GRN: variants seen among roughly 807,000 people sequenced by gnomAD.
GRN encodes progranulin.
Under a neutral mutation model 66.7 loss-of-function variants are expected in GRN, and 30 were observed. The ratio of observed to expected loss-of-function variants is 0.45; its 90% CI spans 0.34 to 0.61. The LOEUF (loss-of-function observed/expected upper bound fraction) is 0.61, where lower values mean the gene tolerates loss of function less well. GRN is among the 20% of genes least tolerant of loss of function. The pLI is 0.01. For synonymous variants in GRN, 327 were observed against 311.1 expected (o/e 1.05, Z -0.54); for missense variants, 731 against 803.5 (o/e 0.91, Z 1.09).
chr17:44,352,785 G>A lies in GRN; in HGVS notation c.1769G>A (p.Arg590Lys). 6.2e-7 allele frequency: 1 copy of A among 1,611,680 alleles called. No homozygotes were observed. The highest frequency in any genetic ancestry group is 8.5e-7 in the Non-Finnish European group (1 of 1,179,996). ...GCCCCTTTGAGGGACCCAGCCTTGA[G>A]ACAGCTGCTGTGAGGGACAGTACTG... ...WDAPLRDPAL[R>K]QLL Residue 590 changes from arginine to lysine, a missense_variant, in exon 13 of 13, where the codon AGA becomes AAA. Coordinates refer to ENST00000053867, the MANE Select transcript of GRN (RefSeq NM_002087.4).
In GRN at chr17:44,349,184, G is replaced by C; in HGVS notation, c.20G>C (p.Trp7Ser). ...CAGACCATGTGGACCCTGGTGAGCTGGGTGGCCTTAACAGCAGGGCTGGTG... is the reference window on the plus strand; with the variant it reads ...CAGACCATGTGGACCCTGGTGAGCTCGGTGGCCTTAACAGCAGGGCTGGTG... MWTLVSWVALTAGLVAG... is the reference protein window; with the variant it reads MWTLVSSVALTAGLVAG... Residue 7 changes from tryptophan (W) to serine (S), a missense_variant, in exon 2 of 13, where the codon TGG (tryptophan) becomes TCG (serine). Coordinates refer to ENST00000053867, the MANE Select transcript of GRN (RefSeq NM_002087.4). The C allele has an allele frequency of 6.2e-7, 1 of 1,614,138 alleles. No individual in the cohort carries two copies. The highest frequency in any genetic ancestry group is 1.1e-5 in the South Asian group (1 of 91,082).
At chr17:44,349,825 C>T (rs984294923) in intron 4 of GRN, 74 bp downstream of exon 4, 19 of 1,003,054 alleles carry the variant, frequency 1.9e-5, no homozygotes, top group African/African-American at 1.6e-4. Flanking sequence ...GCCCAGCTGG[C>T]GGGGGCAGCC....
chr17:44,347,250 A>G (rs1313181507), intron 1 of GRN, among the ~76,000 whole-genome samples: 2 of 152,214 alleles, frequency 1.3e-5, no homozygotes, highest in Non-Finnish European at 2.9e-5. Context: ...ACTACATTGT[A>G]TAACTCAGCA....
chr17:44,350,176 G>C lies in GRN; in HGVS notation c.350-52G>C, dbSNP rs115172611. On this transcript the variant is annotated intron_variant, in intron 4 of 12. Coordinates refer to ENST00000053867, the MANE Select transcript of GRN (RefSeq NM_002087.4). The stretch of plus-strand genomic sequence containing the variant: ...GCCACCAGCTCCTTGTGTGATGGGG[G>C]AGTCACCTTCCCTGAGTGGGCTGGT... 5.0e-5 allele frequency: 61 copies of C among 1,231,678 alleles called. No homozygotes were observed. The South Asian group carries it at 6.0e-4, about 12-fold the overall frequency. 76.3% of individuals were successfully genotyped at this position (1,231,678 alleles called of 1,614,324 possible).
rs536446872 is a variant in GRN at position 44,350,857 on chromosome 17, A to G, written c.708+57A>G. On this transcript the variant is annotated intron_variant, in intron 7 of 12. Transcript: ENST00000053867. ...GTGCCCCCAGCCACCTGGCCCTGAC[A>G]CGCACCTTACAGGGGCTCTGTGGCA... 615 of 1,457,936 alleles carry G rather than the reference A, an allele frequency of 4.2e-4. 1 individual carries two copies. The highest frequency in any genetic ancestry group is 6.8e-4 in the South Asian group (60 of 88,158). 90.3% of individuals were successfully genotyped at this position (1,457,936 alleles called of 1,614,324 possible). A position where few individuals can be genotyped will look rare whatever the true frequency, so the allele number is the denominator to read the frequency against.
At chr17:44,346,863 CCCA>C (rs1411229976) in intron 1 of GRN, among the ~76,000 whole-genome samples, 1 of 152,282 alleles carries the variant, frequency 6.6e-6, no homozygotes, top group East Asian at 1.9e-4. Flanking sequence ...TGCCTGTAAT[CCCA>C]CCACTTTGGG....
rs780699082 is a variant in GRN, at chr17:44,350,430, A to AT, written c.463-6dup. 5.0e-6 allele frequency: 8 copies of AT among 1,613,534 alleles called. No homozygotes were observed. In the Admixed American group the frequency reaches 6.7e-5, roughly 13 times the overall value. The stretch of plus-strand genomic sequence containing the variant: ...AGGGGGTGAAGACGGAGTCAGGACC[A>AT]TTTTTTCTCAGGCTTCCTGCTGTGA... On this transcript the variant is annotated splice_polypyrimidine_tract_variant and intron_variant, in intron 5 of 12. Transcript: ENST00000053867.
intron 10 of GRN, 107 bp downstream of exon 10, chr17:44,351,902 C>T (rs933549378): frequency 6.1e-6 from 9 of 1,483,188 alleles, no homozygotes; most frequent in Middle Eastern, 2.1e-4. Flanking sequence ...CTGACAGATT[C>T]GTCCCCAGCT....
intron 1 of GRN, among the ~76,000 whole-genome samples, chr17:44,347,334 G>T (rs1264295823): frequency 6.6e-6 from 1 of 151,958 alleles, no homozygotes; most frequent in Non-Finnish European, 1.5e-5. Context: ...TGTCACCCAG[G>T]CTGGAGTATG....
At chr17:44,347,836 C>T (rs1036863009) in intron 1 of GRN, among the ~76,000 whole-genome samples, 1 of 151,026 alleles carries the variant, frequency 6.6e-6, no homozygotes, top group Non-Finnish European at 1.5e-5. Context: ...CCTGTAGTCC[C>T]AGCTACTTGC....
At chr17:44,349,104 A>T (rs2048346631) in intron 1 of GRN, 54 bp from the exon 2 acceptor site, 1 of 1,595,642 alleles carries the variant, frequency 6.3e-7, no homozygotes, top group Non-Finnish European at 8.6e-7. Flanking sequence ...TGACCCTAGA[A>T]TCAAGGGTGG....
In GRN at chr17:44,351,776, G is replaced by T. The variant is rs199668642; in HGVS notation, c.1160G>T (p.Gly387Val). The T allele has an allele frequency of 1.2e-6, 2 of 1,613,342 alleles. No homozygotes were observed. The highest frequency in any genetic ancestry group is 4.5e-5 in the East Asian group (2 of 44,886). The change falls in exon 10 of 13, where the codon GGC becomes GTC. Residue 387 changes from glycine to valine, a missense_variant. This residue lies in a region of GRN where 319 missense variants were observed against 347.2 expected (regional missense o/e 0.92). Transcript: ENST00000053867. ...TGCCAACTCACGTCTGGGGAGTGGGGCTGCTGTCCAATCCCAGAGGTATAT... is the reference window on the plus strand; with the variant it reads ...TGCCAACTCACGTCTGGGGAGTGGGTCTGCTGTCCAATCCCAGAGGTATAT... ...TCCQLTSGEW[G>V]CCPIPEAVCC...
Position 44,351,178 on chromosome 17 carries a change from G to T in GRN, c.835+15G>T. The T allele has an allele frequency of 6.2e-7, 1 of 1,614,112 alleles. No individual in the cohort carries two copies. Among genetic ancestry groups the T allele is most frequent in the Non-Finnish European group, 8.5e-7 (1 of 1,179,978 alleles). The stretch of plus-strand genomic sequence containing the variant: ...TGCGCACACAGGTACCAGAGGCAGG[G>T]TGCAGATACAGGGGTGGGGCCCCCT... On this transcript the variant is annotated intron_variant, in intron 8 of 12. Transcript: ENST00000053867.
At chr17:44,351,949 G>A (rs1209995469) in intron 10 of GRN, 66 bp from the exon 11 acceptor site, 11 of 1,476,912 alleles carry the variant, frequency 7.4e-6, no homozygotes, top group South Asian at 1.1e-5. Context: ...GCTGGAGTAG[G>A]TAGGGGCTCG....
At chr17:44,349,891 T>C in intron 4 of GRN, 140 bp downstream of exon 4, 1 of 683,844 alleles carries the variant, frequency 1.5e-6, no homozygotes, top group Non-Finnish European at 2.6e-6. Flanking sequence ...GCAACAGCCC[T>C]GCTGTGGACA....
rs747787126 is a variant in GRN at position 44,349,762 on chromosome 17, G to A, written c.349+11G>A. Reference sequence around the variant, plus strand: ...GCTTCCAAAGATCAGGTGCAGCTGGGGTGTGGGTGCAGGGCAGGCAGACGG... The same window carrying A: ...GCTTCCAAAGATCAGGTGCAGCTGGAGTGTGGGTGCAGGGCAGGCAGACGG... On this transcript the variant is annotated intron_variant, in intron 4 of 12. Coordinates refer to ENST00000053867, the MANE Select transcript of GRN (RefSeq NM_002087.4). The A allele has an allele frequency of 1.9e-6, 3 of 1,576,722 alleles. No individual in the cohort carries two copies. The highest frequency in any genetic ancestry group is 2.6e-6 in the Non-Finnish European group (3 of 1,146,458).
intron 1 of GRN, among the ~76,000 whole-genome samples, chr17:44,347,944 A>AAAAG (rs775374709): frequency 2.2e-5 from 3 of 137,102 alleles, no homozygotes; most frequent in African/African-American, 5.4e-5. Flanking sequence ...AAAAAAAAAA[A>AAAAG]GGGGGTGAGC....
chr17:44,351,636 C>A lies in GRN; in HGVS notation c.1020C>A (p.His340Gln), dbSNP rs762492926. The A allele has an allele frequency of 6.2e-7, 1 of 1,614,024 alleles. No homozygotes were observed. Among genetic ancestry groups the A allele is most frequent in the East Asian group, 2.2e-5 (1 of 44,880 alleles). The change falls in exon 10 of 13, where the codon CAC becomes CAA. Residue 340 changes from histidine (H) to glutamine (Q), a missense_variant. His to Gln is a conservative substitution (Grantham distance 24). Around this residue, in one of 3 missense-constraint regions of GRN, gnomAD observed 319 missense variants for 347.2 expected, o/e 0.92. Transcript: ENST00000053867. ...TQKGTCEQGP[H>Q]QVPWMEKAPA... is the part of the protein sequence containing the mutation. ...AGGGTACCTGTGAACAGGGGCCCCA[C>A]CAGGTGCCCTGGATGGAGAAGGCCC...
chr17:44,351,713 G>A lies in GRN; in HGVS notation c.1097G>A (p.Cys366Tyr), dbSNP rs878886923. 8.7e-6 allele frequency: 14 copies of A among 1,613,914 alleles called. No individual in the cohort carries two copies. The highest frequency in any genetic ancestry group is 2.2e-5 in the South Asian group (2 of 91,092). Reference sequence around the variant, plus strand: ...CAAGCCTTGAAGAGAGATGTCCCCTGTGATAATGTCAGCAGCTGTCCCTCC... The same window carrying A: ...CAAGCCTTGAAGAGAGATGTCCCCTATGATAATGTCAGCAGCTGTCCCTCC... ...DPQALKRDVP[C>Y]DNVSSCPSSD... Residue 366 changes from cysteine to tyrosine, a missense_variant, in exon 10 of 13, where the codon TGT (cysteine) becomes TAT (tyrosine). This residue lies in a region of GRN where 319 missense variants were observed against 347.2 expected (regional missense o/e 0.92). Coordinates refer to ENST00000053867, the MANE Select transcript of GRN (RefSeq NM_002087.4).
Sources: allele counts gnomAD v4.1 joint callset (sites outside exome capture counted in the v4.1 genomes callset), GRCh38; gene constraint gnomAD v4.1.1; regional missense constraint gnomAD v4.1.1; transcripts MANE v1.5; gene names NCBI Gene and HGNC (gene_info 2026-07-23, HGNC 2026-07-21).